The following HMSD variants were observed in gnomAD, a reference collection of about 807,000 sequenced individuals.
The protein encoded by HMSD is histocompatibility minor serpin domain containing, also known as serpin-like protein HMSD.
HMSD carries 13 observed loss-of-function variants against 10.0 expected under a neutral mutation model. The observed-to-expected ratio is 1.31, with a 90% CI of 0.85 to 2.08. The LOEUF (loss-of-function observed/expected upper bound fraction) is 2.08, where lower values mean the gene tolerates loss of function less well. Ranked by LOEUF, HMSD falls within the 30% of genes most tolerant of loss-of-function variation. The pLI, the probability that HMSD is intolerant of heterozygous loss-of-function variation, is 0.00. For missense variants in HMSD, 169 were observed against 166.3 expected (o/e 1.02, Z -0.09); for synonymous variants, 51 against 54.2 (o/e 0.94, Z 0.26).
chr18:63,960,989 C>T lies in HMSD; in HGVS notation c.*634C>T, dbSNP rs1165626178. 6.6e-6 allele frequency: 1 copy of T among 152,486 alleles called. No individual in the cohort carries two copies. Among genetic ancestry groups the T allele is most frequent in the Non-Finnish European group, 1.5e-5 (1 of 68,308 alleles). 9.4% of individuals were successfully genotyped at this position (152,486 alleles called of 1,614,324 possible). ...CCAACACTTGGACTTGGAAAGAAGT[C>T]TGAAAGGTGGGGAATAATCAGCCCA... On this transcript the variant is annotated 3_prime_UTR_variant, in exon 4 of 4. Transcript: ENST00000408945.
intron 1 of HMSD, among the ~76,000 whole-genome samples, chr18:63,952,711 GCTTTAT>G (rs898098483): frequency 1.8e-4 from 27 of 152,092 alleles, no homozygotes; most frequent in African/African-American, 5.8e-4. Context: ...GTACTTGTGA[GCTTTAT>G]CTTTAGTGAA....
chr18:63,959,051 CA>C (rs1216961504), intron 3 of HMSD, among the ~76,000 whole-genome samples: 1 of 152,042 alleles, frequency 6.6e-6, no homozygotes, highest in Non-Finnish European at 1.5e-5. Context: ...AAAAATTGAG[CA>C]AAAGGTACAT....
chr18:63,960,237 C>T lies in HMSD; in HGVS notation c.302C>T (p.Thr101Ile), dbSNP rs1250245077. The change falls in exon 4 of 4, where the codon ACA (threonine) becomes ATA (isoleucine). Residue 101 changes from threonine (T) to isoleucine (I), a missense_variant. Transcript: ENST00000408945. ...TTTGTGAATGATACAGAGAAGTCCA[C>T]AACACGTGTAAACTCCTGGGTTGCT... ...LDFVNDTEKS[T>I]TRVNSWVADK... 5 of 1,613,384 alleles carry T rather than the reference C, an allele frequency of 3.1e-6. No homozygotes were observed. In the East Asian group the frequency reaches 6.7e-5, roughly 22 times the overall value.
chr18:63,952,935 T>C (rs1287258354), intron 1 of HMSD, among the ~76,000 whole-genome samples: 3 of 152,226 alleles, frequency 2.0e-5, no homozygotes, highest in African/African-American at 7.2e-5. Context: ...TGGAAATCAA[T>C]AGTTTTTCTT....
rs2050383318 is a variant in HMSD at position 63,960,975 on chromosome 18, A to G, written c.*620A>G. On this transcript the variant is annotated 3_prime_UTR_variant, in exon 4 of 4. Coordinates refer to ENST00000408945, the MANE Select transcript of HMSD (RefSeq NM_001123366.2). ...TCTTCCTCCTCTGCCCAACACTTGG[A>G]CTTGGAAAGAAGTCTGAAAGGTGGG... 6.6e-6 allele frequency: 1 copy of G among 152,432 alleles called. No individual in the cohort carries two copies. The highest frequency in any genetic ancestry group is 2.1e-4 in the South Asian group (1 of 4,836). The allele number at this position is 152,432 out of a possible 1,614,324, so 9.4% of individuals were successfully genotyped here.
At position 63,960,385 on chromosome 18, in the gene HMSD, T is replaced by C. The variant is rs1029713254; in HGVS notation, c.*30T>C. 2.6e-6 allele frequency: 4 copies of C among 1,544,074 alleles called. No homozygotes were observed. The highest frequency in any genetic ancestry group is 2.4e-5 in the East Asian group (1 of 41,594). Reference sequence around the variant, plus strand: ...GAGTCCTTTTTTCTCTAAACAACTATGCAAACATTAAAACCTTTCTTTGGA... The same window carrying C: ...GAGTCCTTTTTTCTCTAAACAACTACGCAAACATTAAAACCTTTCTTTGGA... On this transcript the variant is annotated 3_prime_UTR_variant, in exon 4 of 4. Coordinates refer to ENST00000408945, the MANE Select transcript of HMSD (RefSeq NM_001123366.2).
At chr18:63,950,622 G>A (rs1225841468) in intron 1 of HMSD, among the ~76,000 whole-genome samples, 2 of 151,402 alleles carry the variant, frequency 1.3e-5, no homozygotes, top group Non-Finnish European at 2.9e-5. Context: ...GACTTTGAAA[G>A]CCAACTTGTG....
At chr18:63,967,521 C>T (rs1369065711) in intron 3 of HMSD, among the ~76,000 whole-genome samples, 1 of 152,132 alleles carries the variant, frequency 6.6e-6, no homozygotes, top group African/African-American at 2.4e-5. Flanking sequence ...TCCAATTATG[C>T]CTGGACTCTA....
intron 3 of HMSD, among the ~76,000 whole-genome samples, chr18:63,955,477 G>T (rs2050353199): frequency 6.6e-6 from 1 of 152,154 alleles, no homozygotes; most frequent in African/African-American, 2.4e-5. Flanking sequence ...ATTTGTAGAA[G>T]GGAGGAAGGG....
chr18:63,963,188 A>ATTGCTTCCTTCC (rs373221977), downstream of HMSD, among the ~76,000 whole-genome samples: 1 of 104,166 alleles, frequency 9.6e-6, no homozygotes, highest in Non-Finnish European at 1.9e-5. Context: ...TCCTTCCTTC[A>ATTGCTTCCTTCC]TTGCTTCCTT....
Position 63,953,361 on chromosome 18 carries a change from G to A in HMSD, c.-95G>A, listed in dbSNP as rs919248950. ...AAAAATCCATTGTTTCAGGCTCACC[G>A]TCATGGATGCTCTATCAGAAGCAAA... On this transcript the variant is annotated 5_prime_UTR_variant, in exon 2 of 4. Coordinates refer to ENST00000408945, the MANE Select transcript of HMSD (RefSeq NM_001123366.2). The A allele has an allele frequency of 1.8e-5, 15 of 853,388 alleles. No individual in the cohort carries two copies. Among genetic ancestry groups the A allele is most frequent in the African/African-American group, 6.7e-5 (4 of 59,562 alleles). The allele number at this position is 853,388 out of a possible 1,614,324, so 52.9% of individuals were successfully genotyped here.
intron 3 of HMSD, among the ~76,000 whole-genome samples, chr18:63,957,213 G>A (rs934828178): frequency 6.6e-6 from 1 of 151,608 alleles, no homozygotes; most frequent in Admixed American, 6.6e-5. Flanking sequence ...TTAGGTATCC[G>A]TGAACCTAAA....
In HMSD at chr18:63,953,518, G is replaced by C. The variant is rs182899015; in HGVS notation, c.63G>C (p.Gln21His). ...GGGCAAAGGGAAACACTGCAGCTCAGATGTCTCAGGTACGTAAAGCCACTT... is the reference window on the plus strand; with the variant it reads ...GGGCAAAGGGAAACACTGCAGCTCACATGTCTCAGGTACGTAAAGCCACTT... ...FMGAKGNTAA[Q>H]MSQALCFSKI... Residue 21 changes from glutamine (Q) to histidine (H), a missense_variant, in exon 2 of 4, where the codon CAG (glutamine) becomes CAC (histidine). Transcript: ENST00000408945. 69 of 1,613,640 alleles carry C rather than the reference G, an allele frequency of 4.3e-5. No homozygotes were observed. In the Middle Eastern group the frequency reaches 5.0e-4, roughly 12 times the overall value.
downstream of HMSD, among the ~76,000 whole-genome samples, chr18:63,962,280 A>G (rs533560638): frequency 2.6e-5 from 4 of 152,352 alleles, no homozygotes; most frequent in East Asian, 5.8e-4. Flanking sequence ...ACACTGGAAA[A>G]TTACTCAAAC....
rs55978412 is a variant in HMSD at position 63,957,307 on chromosome 18, CAA to C, written c.222+2761_222+2762del. Among the ~76,000 whole-genome samples, 971 of 144,084 alleles carry C rather than the reference CAA, an allele frequency of 6.7e-3. 19 individuals carry two copies. The East Asian group carries it at 0.073, about 11-fold the overall frequency. 94.5% of individuals were successfully genotyped at this position (144,084 alleles called of 152,430 possible). ...GGTTAATACAAAACAAGAGAAGCAA[CAA>C]AAAAAAAAAATAAAAACTTTTGATT... On this transcript the variant is annotated intron_variant, in intron 3 of 3. Transcript: ENST00000408945.
chr18:63,951,423 C>T lies in HMSD; in HGVS notation c.-102-1931C>T, dbSNP rs190638572. On this transcript the variant is annotated intron_variant, in intron 1 of 3. Transcript: ENST00000408945. The stretch of plus-strand genomic sequence containing the variant: ...GCTTCGGGAATGAAAATCTTACAGA[C>T]TAAATAAACCTGCACTCACCAGCAG... Among the ~76,000 whole-genome samples, 188 of 152,230 alleles carry T rather than the reference C, an allele frequency of 1.2e-3. 1 individual carries two copies. Among genetic ancestry groups the T allele is most frequent in the Non-Finnish European group, 9.9e-4 (67 of 68,014 alleles).
At chr18:63,956,335 T>C (rs1353823505) in intron 3 of HMSD, among the ~76,000 whole-genome samples, 1 of 151,132 alleles carries the variant, frequency 6.6e-6, no homozygotes, top group Non-Finnish European at 1.5e-5. Flanking sequence ...GATAGAGGTC[T>C]AATATCCAGA....
downstream of HMSD, among the ~76,000 whole-genome samples, chr18:63,963,151 CTCT>C (rs761446166): frequency 1.5e-4 from 19 of 129,380 alleles, no homozygotes; most frequent in Non-Finnish European, 2.4e-4. Flanking sequence ...TCTTCTCTCT[CTCT>C]TCTTTCTTTC....
In HMSD at chr18:63,960,922, A is replaced by T. The variant is rs2050382977; in HGVS notation, c.*567A>T. 1 of 152,512 alleles carries T rather than the reference A, an allele frequency of 6.6e-6. No individual in the cohort carries two copies. Among genetic ancestry groups the T allele is most frequent in the African/African-American group, 2.4e-5 (1 of 41,442 alleles). 9.4% of individuals were successfully genotyped at this position (152,512 alleles called of 1,614,324 possible). A position where few individuals can be genotyped will look rare whatever the true frequency, so the allele number is the denominator to read the frequency against. On this transcript the variant is annotated 3_prime_UTR_variant, in exon 4 of 4. Coordinates refer to ENST00000408945, the MANE Select transcript of HMSD (RefSeq NM_001123366.2). ...TGAGAGAGGAAAGAGGGAGTATCAG[A>T]GGTTGCCGGGTTTGCTACTCTCATT...
Sources: allele counts gnomAD v4.1 joint callset (sites outside exome capture counted in the v4.1 genomes callset), GRCh38; gene constraint gnomAD v4.1.1; transcripts MANE v1.5; gene names NCBI Gene and HGNC (gene_info 2026-07-23, HGNC 2026-07-21).